The following CSMD1 variants were observed in gnomAD, a reference collection of about 807,000 sequenced individuals.
CSMD1 encodes the protein CUB and Sushi multiple domains 1, also known as CUB and sushi domain-containing protein 1.
In CSMD1, 213 loss-of-function variants were observed where a neutral mutation model predicts 417.5. The ratio of observed to expected loss-of-function variants is 0.51; its 90% CI spans 0.46 to 0.57. CSMD1 has a LOEUF of 0.57. Ranked by LOEUF, CSMD1 falls within the 20% of genes least tolerant of loss-of-function variation. The pLI, the probability that CSMD1 is intolerant of heterozygous loss-of-function variation, is 0.00. For missense variants in CSMD1, 6,923 were observed against 4,529.7 expected, an observed-to-expected ratio of 1.53 and a Z score of -15.17; for synonymous variants, 2,862 against 1,736.8, an observed-to-expected ratio of 1.65 and a Z score of -16.11.
At chr8:3,558,339 ACC>A in intron 10 of CSMD1, among the ~76,000 whole-genome samples, 1 of 125,176 alleles carries the variant, frequency 8.0e-6, no homozygotes, top group African/African-American at 2.8e-5. Flanking sequence ...CCTCAGTAGT[ACC>A]CCGTGTCCAC....
At chr8:3,780,369 A>G (rs1799109866) in intron 5 of CSMD1, among the ~76,000 whole-genome samples, 1 of 152,204 alleles carries the variant, frequency 6.6e-6, no homozygotes, top group African/African-American at 2.4e-5. Context: ...CAAACAATCA[A>G]GAGGCGGCCT....
chr8:4,037,701 T>A (rs1310141419), intron 3 of CSMD1, among the ~76,000 whole-genome samples: 1 of 152,166 alleles, frequency 6.6e-6, no homozygotes, highest in South Asian at 2.1e-4. Flanking sequence ...GAAGATTGAA[T>A]GAGATAACAG....
At chr8:3,672,533 A>G (rs1373131388) in intron 7 of CSMD1, among the ~76,000 whole-genome samples, 3 of 152,224 alleles carry the variant, frequency 2.0e-5, no homozygotes, top group Non-Finnish European at 2.9e-5. Flanking sequence ...CAAGAAATCA[A>G]TTATATTAAA....
intron 5 of CSMD1, among the ~76,000 whole-genome samples, chr8:3,837,174 C>G (rs960805468): frequency 2.6e-5 from 4 of 151,966 alleles, no homozygotes; most frequent in African/African-American, 7.3e-5. Context: ...CTGTTCACAT[C>G]AGTTTCACAG....
intron 3 of CSMD1, among the ~76,000 whole-genome samples, chr8:4,154,579 G>T (rs553838868): frequency 1.3e-5 from 2 of 152,282 alleles, no homozygotes; most frequent in African/African-American, 4.8e-5. Flanking sequence ...GGGCCAAGAG[G>T]TGAGGTCTTT....
chr8:3,802,274 G>C (rs535272994), intron 5 of CSMD1, among the ~76,000 whole-genome samples: 1 of 152,166 alleles, frequency 6.6e-6, no homozygotes, highest in African/African-American at 2.4e-5. Flanking sequence ...ACATGGATGA[G>C]ATTTCTGCTA....
chr8:4,504,965 G>A (rs557035689), intron 2 of CSMD1, among the ~76,000 whole-genome samples: 1 of 152,248 alleles, frequency 6.6e-6, no homozygotes, highest in African/African-American at 2.4e-5. Flanking sequence ...GTCTTTACAG[G>A]AGAATGATTT....
chr8:3,964,735 T>A (rs1045122884), intron 5 of CSMD1, among the ~76,000 whole-genome samples: 4 of 152,238 alleles, frequency 2.6e-5, no homozygotes, highest in South Asian at 2.1e-4. Context: ...TGTACTTGCG[T>A]GACACATACA....
At chr8:4,110,595 A>G (rs1352237014) in intron 3 of CSMD1, among the ~76,000 whole-genome samples, 2 of 151,580 alleles carry the variant, frequency 1.3e-5, no homozygotes, top group Non-Finnish European at 2.9e-5. Flanking sequence ...ATTTCTGAAA[A>G]CCATTTTGTA....
chr8:3,565,585 C>T (rs1799671305), intron 10 of CSMD1, among the ~76,000 whole-genome samples: 1 of 152,168 alleles, frequency 6.6e-6, no homozygotes, highest in Non-Finnish European at 1.5e-5. Context: ...GCCTCTTCTT[C>T]ATCTCTCTGA....
intron 5 of CSMD1, among the ~76,000 whole-genome samples, chr8:3,992,246 T>G (rs2257316): frequency 7.9e-5 from 12 of 151,902 alleles, no homozygotes; most frequent in African/African-American, 2.7e-4. Flanking sequence ...AAAACAACAC[T>G]TCTAAGCTCT....
chr8:4,077,510 C>CT (rs111231883), intron 3 of CSMD1, among the ~76,000 whole-genome samples: 8 of 151,902 alleles, frequency 5.3e-5, no homozygotes, highest in African/African-American at 1.9e-4. Flanking sequence ...CATTGTTTAA[C>CT]TTTTTTACCA....
At chr8:4,224,023 G>T (rs1050390834) in intron 3 of CSMD1, among the ~76,000 whole-genome samples, 1 of 152,052 alleles carries the variant, frequency 6.6e-6, no homozygotes. Flanking sequence ...TCCCGGGTAC[G>T]TTATTTTAAC....
At chr8:4,857,549 C>T (rs1478321062) in intron 1 of CSMD1, among the ~76,000 whole-genome samples, 1 of 152,086 alleles carries the variant, frequency 6.6e-6, no homozygotes, top group African/African-American at 2.4e-5. Context: ...AGAGAAGAAT[C>T]AAATAGACGC....
At chr8:3,016,462 C>T (rs1268450928) in intron 52 of CSMD1, among the ~76,000 whole-genome samples, 1 of 152,160 alleles carries the variant, frequency 6.6e-6, no homozygotes, top group Non-Finnish European at 1.5e-5. Context: ...CAAAAGATGT[C>T]TTTGATAAAG....
chr8:3,923,844 G>A (rs1162702055), intron 5 of CSMD1, among the ~76,000 whole-genome samples: 1 of 152,136 alleles, frequency 6.6e-6, no homozygotes, highest in African/African-American at 2.4e-5. Context: ...ACATTCCATA[G>A]ATAAGTGAAA....
At chr8:4,485,027 G>C (rs1801303329) in intron 2 of CSMD1, among the ~76,000 whole-genome samples, 1 of 120,182 alleles carries the variant, frequency 8.3e-6, no homozygotes, top group Non-Finnish European at 1.7e-5. Context: ...AAAAGAAAGA[G>C]TCACTATGAC....
intron 1 of CSMD1, among the ~76,000 whole-genome samples, chr8:4,696,301 A>T (rs547009726): frequency 6.6e-6 from 1 of 152,204 alleles, no homozygotes; most frequent in African/African-American, 2.4e-5. Context: ...ATTTATTGGG[A>T]TATTTGGTAG....
chr8:3,773,242 C>G (rs574291622), intron 5 of CSMD1, among the ~76,000 whole-genome samples: 2 of 152,232 alleles, frequency 1.3e-5, no homozygotes, highest in South Asian at 2.1e-4. Flanking sequence ...GTGAAACTAG[C>G]TTGTGTTTTA....
Sources: gnomAD v4.1 joint callset for allele counts (sites outside exome capture counted in the v4.1 genomes callset) on GRCh38, gnomAD v4.1.1 for gene constraint, MANE v1.5 for transcripts, NCBI Gene and HGNC (gene_info 2026-07-23, HGNC 2026-07-21) for gene names.